The following CSMD1 variants were observed in gnomAD, a reference collection of about 807,000 sequenced individuals.
CSMD1 encodes the protein CUB and Sushi multiple domains 1, also known as CUB and sushi domain-containing protein 1.
A neutral mutation model predicts 417.5 loss-of-function variants in CSMD1; 213 were observed. The ratio of observed to expected loss-of-function variants is 0.51; its 90% confidence interval spans 0.46 to 0.57. The LOEUF is 0.57. Ranked by LOEUF, CSMD1 falls within the 20% of genes least tolerant of loss-of-function variation. The probability of loss-of-function intolerance (pLI) is 0.00; values close to 1 mark genes in which losing one functional copy is unlikely to be tolerated. For missense variants in CSMD1, 6,923 were observed against 4,529.7 expected (o/e 1.53, Z -15.17); for synonymous variants, 2,862 against 1,736.8 (o/e 1.65, Z -16.11).
intron 5 of CSMD1, among the ~76,000 whole-genome samples, chr8:3,912,606 G>T (rs1808536288): frequency 6.6e-6 from 1 of 152,166 alleles, no homozygotes; most frequent in Non-Finnish European, 1.5e-5. Flanking sequence ...AGAGAGAGAA[G>T]GAGCTAAGGT....
chr8:4,397,168 A>C (rs1370946672), intron 3 of CSMD1, among the ~76,000 whole-genome samples: 1 of 152,170 alleles, frequency 6.6e-6, no homozygotes, highest in African/African-American at 2.4e-5. Flanking sequence ...ACGTCCATGC[A>C]TGATGATCAA....
intron 12 of CSMD1, among the ~76,000 whole-genome samples, chr8:3,459,460 C>T (rs1473899889): frequency 1.3e-5 from 2 of 152,208 alleles, no homozygotes; most frequent in Non-Finnish European, 1.5e-5. Context: ...TGACCTGAAT[C>T]TCCGTCTATG....
chr8:3,928,235 G>C (rs1029273079), intron 5 of CSMD1, among the ~76,000 whole-genome samples: 4 of 152,238 alleles, frequency 2.6e-5, no homozygotes, highest in East Asian at 3.9e-4. Context: ...GAAATAGTAG[G>C]TATAATTAAT....
intron 3 of CSMD1, among the ~76,000 whole-genome samples, chr8:4,101,544 T>C (rs998274226): frequency 3.9e-5 from 6 of 152,162 alleles, no homozygotes; most frequent in African/African-American, 1.4e-4. Context: ...CCTAAAAAAT[T>C]ATGGATGTGT....
At chr8:3,949,428 T>C (rs1274346405) in intron 5 of CSMD1, among the ~76,000 whole-genome samples, 5 of 152,144 alleles carry the variant, frequency 3.3e-5, no homozygotes, top group African/African-American at 1.2e-4. Flanking sequence ...ATGAGGTATA[T>C]AGAAGCTCTA....
At chr8:3,194,367 T>C (rs1796581991) in intron 33 of CSMD1, among the ~76,000 whole-genome samples, 1 of 151,976 alleles carries the variant, frequency 6.6e-6, no homozygotes, top group Non-Finnish European at 1.5e-5. Flanking sequence ...AATATTTCTG[T>C]GTTTTTAGGT....
At chr8:3,911,757 T>A (rs1016691330) in intron 5 of CSMD1, among the ~76,000 whole-genome samples, 12 of 152,104 alleles carry the variant, frequency 7.9e-5, no homozygotes, top group African/African-American at 2.7e-4. Flanking sequence ...CCATCAGAAA[T>A]CTCTCATCTC....
At chr8:3,258,701 T>C (rs1800836754) in intron 26 of CSMD1, among the ~76,000 whole-genome samples, 1 of 152,160 alleles carries the variant, frequency 6.6e-6, no homozygotes, top group African/African-American at 2.4e-5. Flanking sequence ...TAAATGCCCA[T>C]CAGTGATAGA....
At chr8:3,554,127 G>A (rs1420991425) in intron 10 of CSMD1, among the ~76,000 whole-genome samples, 1 of 152,232 alleles carries the variant, frequency 6.6e-6, no homozygotes, top group East Asian at 1.9e-4. Flanking sequence ...CTAAGCTCAT[G>A]CCTTTTATAC....
At chr8:4,917,606 C>A (rs11991785) in intron 1 of CSMD1, among the ~76,000 whole-genome samples, 1 of 152,076 alleles carries the variant, frequency 6.6e-6, no homozygotes, top group South Asian at 2.1e-4. Context: ...TGCACTCCAG[C>A]CTGGGCGACA....
intron 2 of CSMD1, among the ~76,000 whole-genome samples, chr8:4,502,768 A>G (rs1286811246): frequency 6.6e-6 from 1 of 152,192 alleles, no homozygotes; most frequent in Non-Finnish European, 1.5e-5. Context: ...TAGACAGTAC[A>G]TTCCACAAGA....
At chr8:4,805,143 C>T (rs965614917) in intron 1 of CSMD1, among the ~76,000 whole-genome samples, 4 of 152,148 alleles carry the variant, frequency 2.6e-5, no homozygotes, top group South Asian at 2.1e-4. Context: ...TCTGCAGGGA[C>T]GATGTTTTTT....
At chr8:3,858,577 T>C (rs902870692) in intron 5 of CSMD1, among the ~76,000 whole-genome samples, 4 of 152,180 alleles carry the variant, frequency 2.6e-5, no homozygotes, top group Non-Finnish European at 5.9e-5. Flanking sequence ...CTTTCACGAG[T>C]AGTCTTAAAT....
intron 1 of CSMD1, among the ~76,000 whole-genome samples, chr8:4,968,868 A>T (rs1442139505): frequency 1.3e-5 from 2 of 152,164 alleles, no homozygotes; most frequent in African/African-American, 4.8e-5. Context: ...TTAGTGCTAC[A>T]CACAAAGCAT....
rs569424044 is a variant in CSMD1 at position 2,957,866 on chromosome 8, A to G, written c.9703-59T>C. 142 of 1,167,104 alleles carry G rather than the reference A, an allele frequency of 1.2e-4. 1 individual carries two copies. In the African/African-American group the frequency reaches 2.0e-3, roughly 17 times the overall value. 72.3% of individuals were successfully genotyped at this position (1,167,104 alleles called of 1,614,324 possible). On this transcript the variant is annotated intron_variant, in intron 62 of 69. Coordinates refer to ENST00000635120, the MANE Select transcript of CSMD1 (RefSeq NM_033225.6). ...CAAGGGAATATACGAAGTGTCAACTAGTGATACCTGAAAGTACACGCCCGA... is the reference window on the plus strand; with the variant it reads ...CAAGGGAATATACGAAGTGTCAACTGGTGATACCTGAAAGTACACGCCCGA...
chr8:3,893,406 G>A (rs147745113), intron 5 of CSMD1, among the ~76,000 whole-genome samples: 2 of 134,374 alleles, frequency 1.5e-5, no homozygotes, highest in African/African-American at 5.2e-5. Flanking sequence ...TGACCTTGAA[G>A]CTTAACAAAA....
At chr8:4,259,460 C>T (rs1427096360) in intron 3 of CSMD1, among the ~76,000 whole-genome samples, 1 of 152,114 alleles carries the variant, frequency 6.6e-6, no homozygotes, top group Admixed American at 6.6e-5. Flanking sequence ...ATGCCTTAAG[C>T]TTTAGGCTTA....
rs1797396331 is a variant in CSMD1 at position 4,165,382 on chromosome 8, A to T, written c.416-133283T>A. 3.3e-5 allele frequency among the ~76,000 whole-genome samples: 5 copies of T among 152,210 alleles called. No homozygotes were observed. In the South Asian group the frequency reaches 8.3e-4, roughly 25 times the overall value. On this transcript the variant is annotated intron_variant, in intron 3 of 69. Coordinates refer to ENST00000635120, the MANE Select transcript of CSMD1 (RefSeq NM_033225.6). Reference sequence around the variant, plus strand: ...AGGACTCTAAAACAACTCTTACTAAAAGATGTGCCATTTGTAGAAAATATA... The same window carrying T: ...AGGACTCTAAAACAACTCTTACTAATAGATGTGCCATTTGTAGAAAATATA...
Position 4,172,417 on chromosome 8 carries a change from G to A in CSMD1, c.416-140318C>T, listed in dbSNP as rs777203777. Among the ~76,000 whole-genome samples the A allele has an allele frequency of 6.4e-4, 97 of 151,964 alleles. 1 individual carries two copies. The highest frequency in any genetic ancestry group is 5.8e-4 in the East Asian group (3 of 5,168). On this transcript the variant is annotated intron_variant, in intron 3 of 69. Transcript: ENST00000635120. ...ATAGCCAGTGGGTCTCATGGCTCCC[G>A]CGTTACACAGCATAGTCTAGGTTTC...
Sources: allele counts gnomAD v4.1 joint callset (sites outside exome capture counted in the v4.1 genomes callset), GRCh38; gene constraint gnomAD v4.1.1; transcripts MANE v1.5; gene names NCBI Gene and HGNC (gene_info 2026-07-23, HGNC 2026-07-21).